The following PAN3 variants were observed in gnomAD, a reference collection of about 807,000 sequenced individuals.
PAN3 encodes the protein PAN2-PAN3 deadenylation complex subunit PAN3.
Under a neutral mutation model 96.2 loss-of-function variants are expected in PAN3, and 19 were observed. The observed-to-expected ratio is 0.20, with a 90% CI of 0.14 to 0.29. The LOEUF is 0.29. Ranked by LOEUF, PAN3 falls within the 10% of genes least tolerant of loss-of-function variation. The pLI is 1.00. For synonymous variants in PAN3, 433 were observed against 406.6 expected (o/e 1.06, Z -0.78); for missense variants, 882 against 1,108.1 (o/e 0.80, Z 2.90).
At chr13:28,273,544 T>C (rs1007567649) in intron 14 of PAN3, among the ~76,000 whole-genome samples, 3 of 151,778 alleles carry the variant, frequency 2.0e-5, no homozygotes, top group African/African-American at 7.3e-5. Flanking sequence ...GAGGTTGCAG[T>C]GAGCTGAGAT....
intron 4 of PAN3, among the ~76,000 whole-genome samples, chr13:28,182,146 T>G (rs1392378538): frequency 6.6e-6 from 1 of 152,226 alleles, no homozygotes; most frequent in African/African-American, 2.4e-5. Flanking sequence ...AGTTAGATAT[T>G]GGAATACAGA....
At chr13:28,276,430 AG>A (rs1887065165) in intron 14 of PAN3, among the ~76,000 whole-genome samples, 2 of 152,208 alleles carry the variant, frequency 1.3e-5, no homozygotes, top group Non-Finnish European at 2.9e-5. Flanking sequence ...CCTACCAATC[AG>A]GGCCACTTGG....
intron 17 of PAN3, among the ~76,000 whole-genome samples, chr13:28,281,953 T>C (rs1009910267): frequency 1.3e-5 from 2 of 152,068 alleles, no homozygotes; most frequent in African/African-American, 2.4e-5. Flanking sequence ...GTATTTTTAG[T>C]GGAGATAGGG....
rs570509856 is a variant in PAN3 at position 28,268,933 on chromosome 13, C to T, written c.1792+1532C>T. ...CCTTTTGCTATGTCATCTGTAGACACATGCATAATTTTGTGGAAGGGGATG... is the reference window on the plus strand; with the variant it reads ...CCTTTTGCTATGTCATCTGTAGACATATGCATAATTTTGTGGAAGGGGATG... On this transcript the variant is annotated intron_variant, in intron 12 of 18. Coordinates refer to ENST00000380958, the MANE Select transcript of PAN3 (RefSeq NM_175854.8). Among the ~76,000 whole-genome samples, 26 of 152,210 alleles carry T rather than the reference C, an allele frequency of 1.7e-4. 1 individual carries two copies. In the South Asian group the frequency reaches 5.4e-3, roughly 32 times the overall value.
At chr13:28,242,428 T>C (rs762504461) in intron 6 of PAN3, among the ~76,000 whole-genome samples, 2 of 152,164 alleles carry the variant, frequency 1.3e-5, no homozygotes, top group Non-Finnish European at 2.9e-5. Flanking sequence ...CAGTGTGCCA[T>C]TTACATGTGT....
Position 28,174,348 on chromosome 13 carries a change from C to A in PAN3, c.507C>A (p.Val169=), listed in dbSNP as rs200330618. 1.2e-6 allele frequency: 2 copies of A among 1,612,978 alleles called. No individual in the cohort carries two copies. The highest frequency in any genetic ancestry group is 2.2e-5 in the South Asian group (2 of 91,026). ...ATTTTAGCACCAGCTTTATTGGAGTCAATGGATTTGGAAGCCCTGTAGAAA... is the reference window on the plus strand; with the variant it reads ...ATTTTAGCACCAGCTTTATTGGAGTAAATGGATTTGGAAGCCCTGTAGAAA... The part of the protein sequence containing the change: ...DSYFSTSFIG[V]NGFGSPVETK... The change falls in exon 2 of 19, where the codon GTC becomes GTA. Residue 169 remains valine (V), a synonymous_variant. Coordinates refer to ENST00000380958, the MANE Select transcript of PAN3 (RefSeq NM_175854.8).
chr13:28,272,676 T>A (rs975653026), intron 14 of PAN3, among the ~76,000 whole-genome samples: 4 of 151,750 alleles, frequency 2.6e-5, no homozygotes, highest in Middle Eastern at 3.4e-3. Flanking sequence ...TTCAAGCGAT[T>A]CTCCTGCCTC....
rs45521340 is a variant in PAN3, at chr13:28,174,132, A to G, written c.431-140A>G. The G allele has an allele frequency of 1.3e-3, 1,099 of 837,886 alleles. 7 individuals carry two copies. In the African/African-American group the frequency reaches 0.018, roughly 14 times the overall value. 51.9% of individuals were successfully genotyped at this position (837,886 alleles called of 1,614,324 possible). A position where few individuals can be genotyped will look rare whatever the true frequency, so the allele number is the denominator to read the frequency against. ...TCTGGAGCCAACCCAATTTTATTTGATCTTACCTGTTATGAACTGGTAAAT... is the reference window on the plus strand; with the variant it reads ...TCTGGAGCCAACCCAATTTTATTTGGTCTTACCTGTTATGAACTGGTAAAT... On this transcript the variant is annotated intron_variant, in intron 1 of 18. Transcript: ENST00000380958.
At chr13:28,238,590 A>C (rs1351376844) in intron 6 of PAN3, among the ~76,000 whole-genome samples, 2 of 152,200 alleles carry the variant, frequency 1.3e-5, no homozygotes, top group Non-Finnish European at 2.9e-5. Context: ...TATTTTAATT[A>C]GGATAGATTT....
chr13:28,233,177 A>T (rs1366085819), intron 6 of PAN3, among the ~76,000 whole-genome samples: 1 of 152,096 alleles, frequency 6.6e-6, no homozygotes, highest in Non-Finnish European at 1.5e-5. Context: ...AAAAAGTGGA[A>T]AAAAATTATG....
intron 9 of PAN3, among the ~76,000 whole-genome samples, chr13:28,264,940 C>T (rs531849678): frequency 3.0e-4 from 46 of 152,294 alleles, no homozygotes; most frequent in African/African-American, 1.1e-3. Flanking sequence ...TTACCTCTTA[C>T]ATGTTTTGTA....
intron 5 of PAN3, among the ~76,000 whole-genome samples, chr13:28,216,265 A>G (rs574361073): frequency 6.6e-6 from 1 of 152,162 alleles, no homozygotes; most frequent in South Asian, 2.1e-4. Flanking sequence ...AATTTTTAAA[A>G]ATGCAGACTA....
At chr13:28,288,920 G>A (rs928360309) in intron 18 of PAN3, among the ~76,000 whole-genome samples, 5 of 142,116 alleles carry the variant, frequency 3.5e-5, no homozygotes, top group Admixed American at 1.5e-4. Context: ...TCCGCCTCCC[G>A]GGTTCACGCC....
chr13:28,247,215 T>C (rs965348377), intron 6 of PAN3, among the ~76,000 whole-genome samples: 2 of 152,202 alleles, frequency 1.3e-5, no homozygotes, highest in Non-Finnish European at 2.9e-5. Context: ...GTATGTCTTC[T>C]TTTGGGAAAT....
chr13:28,265,546 A>G (rs746192476), intron 9 of PAN3, among the ~76,000 whole-genome samples: 1 of 152,180 alleles, frequency 6.6e-6, no homozygotes, highest in Admixed American at 6.5e-5. Context: ...TGAAATAGGG[A>G]ATTCTACCTC....
At chr13:28,211,225 T>C (rs1013647785) in intron 5 of PAN3, among the ~76,000 whole-genome samples, 9 of 152,190 alleles carry the variant, frequency 5.9e-5, no homozygotes, top group Non-Finnish European at 8.8e-5. Flanking sequence ...TATGTCTTTT[T>C]AGATCACTTT....
chr13:28,235,240 A>G (rs1338713766), intron 6 of PAN3, among the ~76,000 whole-genome samples: 1 of 152,060 alleles, frequency 6.6e-6, no homozygotes, highest in African/African-American at 2.4e-5. Flanking sequence ...TGTCACTTAT[A>G]AAAAAAGGCC....
chr13:28,192,490 C>T (rs1394800195), intron 4 of PAN3, among the ~76,000 whole-genome samples: 2 of 152,120 alleles, frequency 1.3e-5, no homozygotes, highest in East Asian at 1.9e-4. Context: ...CATAGTTTTC[C>T]CCTAACCTAT....
chr13:28,241,236 C>A (rs1883632452), intron 6 of PAN3, among the ~76,000 whole-genome samples: 1 of 152,078 alleles, frequency 6.6e-6, no homozygotes, highest in Non-Finnish European at 1.5e-5. Flanking sequence ...GCACTCCAGC[C>A]TGGGCAACAG....
Sources: gnomAD v4.1 joint callset for allele counts (sites outside exome capture counted in the v4.1 genomes callset) on GRCh38, gnomAD v4.1.1 for gene constraint, MANE v1.5 for transcripts, NCBI Gene and HGNC (gene_info 2026-07-23, HGNC 2026-07-21) for gene names.